NTRK2: variants seen among roughly 807,000 people sequenced by gnomAD.
The protein encoded by NTRK2 is BDNF/NT-3 growth factors receptor.
NTRK2 carries 13 observed loss-of-function variants against 94.5 expected under a neutral mutation model. The ratio of observed to expected loss-of-function variants is 0.14; its 90% confidence interval spans 0.09 to 0.22. The LOEUF (loss-of-function observed/expected upper bound fraction) is 0.22. Ranked by LOEUF, NTRK2 falls within the 10% of genes least tolerant of loss-of-function variation. NTRK2 has a pLI of 1.00. For missense variants in NTRK2, 639 were observed against 1,071.2 expected, an observed-to-expected ratio of 0.60 and a Z score of 5.63; for synonymous variants, 372 against 407.4, an observed-to-expected ratio of 0.91 and a Z score of 1.05.
chr9:84,813,241 G>T, intron 12 of NTRK2: 9 of 1,050,878 alleles, frequency 8.6e-6, no homozygotes, highest in Non-Finnish European at 1.0e-5. Flanking sequence ...TTCCAGAGGG[G>T]CCACTGTCCC....
At chr9:84,755,336 T>G (rs1332514607) in intron 12 of NTRK2, among the ~76,000 whole-genome samples, 1 of 152,178 alleles carries the variant, frequency 6.6e-6, no homozygotes, top group Admixed American at 6.5e-5. Flanking sequence ...CTTTATCTAC[T>G]GAGTGCCTAG....
At chr9:84,930,086 G>C (rs559423034) in intron 14 of NTRK2, among the ~76,000 whole-genome samples, 1 of 152,332 alleles carries the variant, frequency 6.6e-6, no homozygotes, top group East Asian at 1.9e-4. Context: ...TCAAGATACT[G>C]ATATTCAAAG....
intron 14 of NTRK2, among the ~76,000 whole-genome samples, chr9:84,926,178 CTT>C (rs1171411047): frequency 2.8e-5 from 2 of 71,754 alleles, no homozygotes; most frequent in Non-Finnish European, 6.3e-5. Context: ...TCCTTTCTTT[CTT>C]TCTTTCTTTC....
chr9:84,920,367 A>T (rs968946144), intron 14 of NTRK2, among the ~76,000 whole-genome samples: 3 of 152,084 alleles, frequency 2.0e-5, no homozygotes, highest in African/African-American at 4.8e-5. Context: ...AGCCTTGTCC[A>T]CGCGGGCGAG....
intron 12 of NTRK2, among the ~76,000 whole-genome samples, chr9:84,766,894 C>T (rs2066087727): frequency 6.6e-6 from 1 of 151,978 alleles, no homozygotes; most frequent in Non-Finnish European, 1.5e-5. Flanking sequence ...CACACAAGAC[C>T]CACATGTATT....
intron 7 of NTRK2, 132 bp from the exon 8 acceptor site, chr9:84,724,092 C>A: frequency 1.1e-6 from 1 of 936,000 alleles, no homozygotes; most frequent in Non-Finnish European, 1.7e-6. Context: ...TCGCCTGAGC[C>A]CAGTTCAGGC....
At chr9:84,747,571 G>A (rs923368544) in intron 11 of NTRK2, among the ~76,000 whole-genome samples, 5 of 148,686 alleles carry the variant, frequency 3.4e-5, no homozygotes, top group African/African-American at 1.2e-4. Context: ...TCTGCCTGCC[G>A]GGTTCATGCC....
chr9:84,710,720 CT>C lies in NTRK2; in HGVS notation c.513del (p.Gln172ArgfsTer6). 6.2e-7 allele frequency: 1 copy of C among 1,614,064 alleles called. No homozygotes were observed. Among genetic ancestry groups the C allele is most frequent in the East Asian group, 2.2e-5 (1 of 44,878 alleles). ...TLQEAKSSPDTQDLYCLNESS... is the reference protein window; with the variant it reads ...TLQEAKSSPDXQDLYCLNESS... Reference sequence around the variant, plus strand: ...CAAGAGGCTAAATCCAGTCCAGACACTCAGGATTTGTACTGCCTGAATGAAA... The same window carrying C: ...CAAGAGGCTAAATCCAGTCCAGACACCAGGATTTGTACTGCCTGAATGAAA... On this transcript the variant is annotated frameshift_variant, in exon 6 of 19. Transcript: ENST00000277120. LOFTEE classifies it high-confidence loss of function.
At chr9:84,942,947 C>G (rs539853232) in intron 15 of NTRK2, among the ~76,000 whole-genome samples, 5 of 152,170 alleles carry the variant, frequency 3.3e-5, no homozygotes, top group South Asian at 2.1e-4. Context: ...CCCAGAGGAA[C>G]TCAGGCATAT....
chr9:84,766,238 C>A (rs541819064), intron 12 of NTRK2, among the ~76,000 whole-genome samples: 2 of 152,148 alleles, frequency 1.3e-5, no homozygotes, highest in South Asian at 4.2e-4. Context: ...TCGCTGATGT[C>A]CTGGGGAAGA....
chr9:84,675,685 A>G (rs1422310559), intron 2 of NTRK2, among the ~76,000 whole-genome samples: 2 of 151,970 alleles, frequency 1.3e-5, no homozygotes, highest in Admixed American at 6.6e-5. Flanking sequence ...TAGAGGGAAG[A>G]AAAAAAACCC....
chr9:85,025,073 C>T lies in NTRK2; in HGVS notation c.*3636C>T, dbSNP rs1025520355. The T allele has an allele frequency of 3.0e-5, 7 of 232,998 alleles. No individual in the cohort carries two copies. The highest frequency in any genetic ancestry group is 6.1e-5 in the East Asian group (1 of 16,522). 14.4% of individuals were successfully genotyped at this position (232,998 alleles called of 1,614,324 possible). A position where few individuals can be genotyped will look rare whatever the true frequency, so the allele number is the denominator to read the frequency against. On this transcript the variant is annotated 3_prime_UTR_variant, in exon 19 of 19. Transcript: ENST00000277120. ...ATGCTAAATAACCAAAACTGTTTAA[C>T]GTCATGTTGCTGTTAGTGCTTCCAT...
At position 85,026,168 on chromosome 9, in the gene NTRK2, T is replaced by C. The variant is rs1251757906; in HGVS notation, c.*4731T>C. 4.4e-6 allele frequency: 1 copy of C among 226,310 alleles called. No individual in the cohort carries two copies. The highest frequency in any genetic ancestry group is 8.8e-6 in the Non-Finnish European group (1 of 113,960). 14.0% of individuals were successfully genotyped at this position (226,310 alleles called of 1,614,324 possible). A position where few individuals can be genotyped will look rare whatever the true frequency, so the allele number is the denominator to read the frequency against. On this transcript the variant is annotated 3_prime_UTR_variant, in exon 19 of 19. Coordinates refer to ENST00000277120, the MANE Select transcript of NTRK2 (RefSeq NM_006180.6). The stretch of plus-strand genomic sequence containing the variant: ...TATATATATATATCTGTATATGTGT[T>C]GTAGGCAAAACACTGTGAATTTCAC...
intron 14 of NTRK2, among the ~76,000 whole-genome samples, chr9:84,923,862 T>C (rs551804074): frequency 2.2e-4 from 33 of 151,516 alleles, no homozygotes; most frequent in Non-Finnish European, 4.4e-4. Context: ...ATCGCGCCAC[T>C]GCACTCCAGC....
chr9:84,824,421 A>T (rs2073051559), intron 12 of NTRK2, among the ~76,000 whole-genome samples: 1 of 152,226 alleles, frequency 6.6e-6, no homozygotes, highest in Non-Finnish European at 1.5e-5. Flanking sequence ...AGCATGCAGA[A>T]TTCAGATCAT....
chr9:84,704,241 T>C (rs1437055032), intron 4 of NTRK2, among the ~76,000 whole-genome samples: 2 of 143,574 alleles, frequency 1.4e-5, no homozygotes, highest in Non-Finnish European at 3.0e-5. Context: ...TTTTTTTTTT[T>C]TTTTTGAGAT....
chr9:84,812,859 C>T (rs1481346384), intron 12 of NTRK2: 1 of 1,034,120 alleles, frequency 9.7e-7, no homozygotes, highest in African/African-American at 1.7e-5. Context: ...CAGATAAGGC[C>T]ATTTAATATA....
At chr9:84,947,499 G>A (rs1365348672) in intron 15 of NTRK2, among the ~76,000 whole-genome samples, 1 of 152,214 alleles carries the variant, frequency 6.6e-6, no homozygotes, top group African/African-American at 2.4e-5. Context: ...ATGTGCACAT[G>A]TGCAAAGGGA....
rs537820587 is a variant in NTRK2 at position 84,786,275 on chromosome 9, A to G, written c.1396+34190A>G. On this transcript the variant is annotated intron_variant, in intron 12 of 18. Transcript: ENST00000277120. ...CTTGCTTGTTTCTAAGCATGTTTCC[A>G]TGCACTTTGCATGCATTATCCCATG... Among the ~76,000 whole-genome samples, 4 of 152,310 alleles carry G rather than the reference A, an allele frequency of 2.6e-5. No individual in the cohort carries two copies. The East Asian group carries it at 5.8e-4, about 22-fold the overall frequency.
Sources: allele counts gnomAD v4.1 joint callset (sites outside exome capture counted in the v4.1 genomes callset), GRCh38; gene constraint gnomAD v4.1.1; transcripts MANE v1.5; gene names NCBI Gene and HGNC (gene_info 2026-07-23, HGNC 2026-07-21).